Variants in PLCXD3 observed in about 807,000 individuals in gnomAD.
PLCXD3 encodes the protein phosphatidylinositol specific phospholipase C X domain containing 3, also known as PI-PLC X domain-containing protein 3.
In PLCXD3, 19 loss-of-function variants were observed where a neutral mutation model predicts 25.5. The ratio of observed to expected loss-of-function variants is 0.75; its 90% CI spans 0.52 to 1.09. PLCXD3 has a LOEUF of 1.09. PLCXD3 is among the 50% of genes least tolerant of loss of function. The pLI, the probability that PLCXD3 is intolerant of heterozygous loss-of-function variation, is 0.00. For missense variants in PLCXD3, 411 were observed against 388.1 expected (o/e 1.06, Z -0.50); for synonymous variants, 174 against 137.6 (o/e 1.26, Z -1.85).
intron 1 of PLCXD3, among the ~76,000 whole-genome samples, chr5:41,393,431 GA>G (rs1745897171): frequency 6.6e-6 from 1 of 152,172 alleles, no homozygotes; most frequent in African/African-American, 2.4e-5. Context: ...GTGCTGAAGA[GA>G]AAAGCTTTTA....
At chr5:41,496,622 C>T (rs1162476200) in intron 1 of PLCXD3, among the ~76,000 whole-genome samples, 1 of 94,438 alleles carries the variant, frequency 1.1e-5, no homozygotes, top group Non-Finnish European at 2.0e-5. Flanking sequence ...AAGCTTTTCC[C>T]AGACCAAAAA....
At chr5:41,506,981 G>A (rs1259585632) in intron 1 of PLCXD3, among the ~76,000 whole-genome samples, 1 of 152,066 alleles carries the variant, frequency 6.6e-6, no homozygotes, top group Non-Finnish European at 1.5e-5. Flanking sequence ...ACATATTAGA[G>A]AATGCAAAGC....
chr5:41,508,209 T>C (rs1749094114), intron 1 of PLCXD3, among the ~76,000 whole-genome samples: 1 of 152,234 alleles, frequency 6.6e-6, no homozygotes, highest in Admixed American at 6.5e-5. Context: ...ATCATCTTTA[T>C]GTCTGTACTC....
rs541277706 is a variant in PLCXD3 at position 41,313,741 on chromosome 5, C to T, written c.842G>A (p.Arg281His). The T allele has an allele frequency of 1.5e-5, 24 of 1,609,138 alleles. No homozygotes were observed. The East Asian group carries it at 1.6e-4, about 11-fold the overall frequency. ...GCCACTCTCTCCTGGCTTCTGCGTGCGGACCCACTGCATCATGGCAGGAAG... is the reference window on the plus strand; with the variant it reads ...GCCACTCTCTCCTGGCTTCTGCGTGTGGACCCACTGCATCATGGCAGGAAG... ...RALPAMMQWV[R>H]TQKPGESGIN... Residue 281 changes from arginine to histidine, a missense_variant, in exon 3 of 3, where the codon CGC becomes CAC. Physicochemically the swap from Arg to His is conservative, Grantham distance 29. Coordinates refer to ENST00000377801, the MANE Select transcript of PLCXD3 (RefSeq NM_001005473.3).
At chr5:41,391,281 CAG>C (rs1745807066) in intron 1 of PLCXD3, among the ~76,000 whole-genome samples, 1 of 152,120 alleles carries the variant, frequency 6.6e-6, no homozygotes, top group Non-Finnish European at 1.5e-5. Flanking sequence ...TCAGGCTGCA[CAG>C]CTTGAGGCTC....
chr5:41,468,746 T>C (rs1017617004), intron 1 of PLCXD3, among the ~76,000 whole-genome samples: 3 of 152,192 alleles, frequency 2.0e-5, no homozygotes, highest in African/African-American at 7.2e-5. Flanking sequence ...CTGATTTCAT[T>C]TACCAGTTCT....
Position 41,341,155 on chromosome 5 carries a change from C to A in PLCXD3, c.813-27385G>T, listed in dbSNP as rs114377263. 2.9e-3 allele frequency among the ~76,000 whole-genome samples: 435 copies of A among 152,108 alleles called. 2 individuals carry two copies. Among genetic ancestry groups the A allele is most frequent in the African/African-American group, 0.01 (424 of 41,484 alleles). ...GAATTCAGTGAAAAACCAAATAATA[C>A]CATATATAGTTGACTGAAGAATTAC... On this transcript the variant is annotated intron_variant, in intron 2 of 2. Coordinates refer to ENST00000377801, the MANE Select transcript of PLCXD3 (RefSeq NM_001005473.3).
At chr5:41,410,474 G>C (rs1162143504) in intron 1 of PLCXD3, among the ~76,000 whole-genome samples, 2 of 150,424 alleles carry the variant, frequency 1.3e-5, no homozygotes, top group South Asian at 2.1e-4. Context: ...TGATTCCCTG[G>C]ACCGTGAATT....
chr5:41,363,389 A>C (rs2150485903), intron 2 of PLCXD3, among the ~76,000 whole-genome samples: 1 of 152,294 alleles, frequency 6.6e-6, no homozygotes, highest in Admixed American at 6.5e-5. Flanking sequence ...TTTTTTAAAA[A>C]GACTTTCTCC....
chr5:41,486,103 G>A (rs1414869248), intron 1 of PLCXD3, among the ~76,000 whole-genome samples: 1 of 152,056 alleles, frequency 6.6e-6, no homozygotes, highest in African/African-American at 2.4e-5. Flanking sequence ...TACAATCCAG[G>A]GCTGAAGAAC....
chr5:41,440,215 A>ATT lies in PLCXD3; in HGVS notation c.104-57683_104-57682dup, dbSNP rs70988846. On this transcript the variant is annotated intron_variant, in intron 1 of 2. Transcript: ENST00000377801. ...TCTGAGCAAATTACATAATCTCTCA[A>ATT]TTTTTTTTTTTTTTTTTTTTTTTTT... 5.5e-3 allele frequency among the ~76,000 whole-genome samples: 224 copies of ATT among 41,070 alleles called. 54 individuals are homozygous for ATT. Among genetic ancestry groups the ATT allele is most frequent in the Non-Finnish European group, 7.1e-3 (166 of 23,270 alleles). The allele number at this position is 41,070 out of a possible 152,430, so 26.9% of individuals were successfully genotyped here. A position where few individuals can be genotyped will look rare whatever the true frequency, so the allele number is the denominator to read the frequency against.
intron 1 of PLCXD3, among the ~76,000 whole-genome samples, chr5:41,452,903 T>C (rs541325578): frequency 6.6e-6 from 1 of 152,188 alleles, no homozygotes; most frequent in East Asian, 1.9e-4. Context: ...ATAAAAATTG[T>C]GTATATTTGT....
chr5:41,365,067 A>G (rs1293816149), intron 2 of PLCXD3, among the ~76,000 whole-genome samples: 1 of 152,194 alleles, frequency 6.6e-6, no homozygotes, highest in Non-Finnish European at 1.5e-5. Context: ...ACCAATAGGC[A>G]CACAAAGTGT....
chr5:41,360,448 C>T (rs1744740146), intron 2 of PLCXD3, among the ~76,000 whole-genome samples: 1 of 152,082 alleles, frequency 6.6e-6, no homozygotes, highest in Non-Finnish European at 1.5e-5. Context: ...GTCATATTAC[C>T]AGAATTGTTT....
intron 1 of PLCXD3, among the ~76,000 whole-genome samples, chr5:41,444,714 C>T (rs895542313): frequency 6.6e-6 from 1 of 152,126 alleles, no homozygotes; most frequent in Non-Finnish European, 1.5e-5. Context: ...GCCAATCCCA[C>T]TTTAAATGGG....
At chr5:41,357,631 C>T (rs1451743809) in intron 2 of PLCXD3, among the ~76,000 whole-genome samples, 3 of 152,162 alleles carry the variant, frequency 2.0e-5, no homozygotes, top group Non-Finnish European at 2.9e-5. Flanking sequence ...ACACTGGGAT[C>T]CAGGCCCACT....
At position 41,380,461 on chromosome 5, in the gene PLCXD3, A is replaced by G. The variant is rs186711942; in HGVS notation, c.812+1365T>C. On this transcript the variant is annotated intron_variant, in intron 2 of 2. Coordinates refer to ENST00000377801, the MANE Select transcript of PLCXD3 (RefSeq NM_001005473.3). ...CTCCAGGCTGCGTCAATTATTACATAAAACACAGATCATGTCAAGTCATGC... is the reference window on the plus strand; with the variant it reads ...CTCCAGGCTGCGTCAATTATTACATGAAACACAGATCATGTCAAGTCATGC... 1.6e-3 allele frequency among the ~76,000 whole-genome samples: 238 copies of G among 152,186 alleles called. 2 individuals carry two copies. Among genetic ancestry groups the G allele is most frequent in the Non-Finnish European group, 1.4e-3 (98 of 67,980 alleles).
chr5:41,405,079 T>A (rs1052680369), intron 1 of PLCXD3, among the ~76,000 whole-genome samples: 1 of 152,192 alleles, frequency 6.6e-6, no homozygotes, highest in Admixed American at 6.6e-5. Context: ...ATAGGCTTTC[T>A]ACATATATAA....
intron 2 of PLCXD3, among the ~76,000 whole-genome samples, chr5:41,359,430 T>C (rs77889088): frequency 6.6e-6 from 1 of 152,196 alleles, no homozygotes; most frequent in Non-Finnish European, 1.5e-5. Context: ...TATATCTTCC[T>C]GGTTTAATCT....
Sources: gnomAD v4.1 joint callset for allele counts (sites outside exome capture counted in the v4.1 genomes callset) on GRCh38, gnomAD v4.1.1 for gene constraint, MANE v1.5 for transcripts, NCBI Gene and HGNC (gene_info 2026-07-23, HGNC 2026-07-21) for gene names.